The following NR2C1 variants were observed in gnomAD, a reference collection of about 807,000 sequenced individuals.
NR2C1 encodes TR2 nuclear hormone receptor.
In NR2C1, 33 loss-of-function variants were observed where a neutral mutation model predicts 74.8. The ratio of observed to expected loss-of-function variants is 0.44; its 90% CI spans 0.33 to 0.59. The LOEUF is 0.59. Ranked by LOEUF, NR2C1 falls within the 20% of genes least tolerant of loss-of-function variation. The pLI is 0.02. For missense variants in NR2C1, 568 were observed against 715.6 expected (o/e 0.79, Z 2.35); for synonymous variants, 225 against 240.6 (o/e 0.94, Z 0.60).
At chr12:95,031,668 G>A (rs750130431) in intron 10 of NR2C1, among the ~76,000 whole-genome samples, 180 bp from the exon 11 acceptor site, 1 of 152,124 alleles carries the variant, frequency 6.6e-6, no homozygotes, top group East Asian at 1.9e-4. Flanking sequence ...GAATGCTTAG[G>A]CATTTAAATA....
intron 9 of NR2C1, among the ~76,000 whole-genome samples, chr12:95,042,864 A>G (rs1871748279): frequency 6.8e-6 from 1 of 146,164 alleles, no homozygotes; most frequent in Admixed American, 7.0e-5. Flanking sequence ...TGGGAGGCCA[A>G]GGTGAGAGGA....
intron 9 of NR2C1, among the ~76,000 whole-genome samples, chr12:95,043,060 T>C (rs987021239): frequency 6.6e-6 from 1 of 151,966 alleles, no homozygotes. Context: ...CCTAGGAATT[T>C]TGAGACCAAC....
intron 1 of NR2C1, among the ~76,000 whole-genome samples, chr12:95,070,660 G>A (rs114035163): frequency 6.6e-6 from 1 of 152,170 alleles, no homozygotes; most frequent in East Asian, 1.9e-4. Context: ...CATCAGTGCT[G>A]CTTTAATGGC....
At chr12:95,070,957 T>C (rs1876509293) in intron 1 of NR2C1, among the ~76,000 whole-genome samples, 3 of 152,226 alleles carry the variant, frequency 2.0e-5, no homozygotes, top group Admixed American at 2.0e-4. Flanking sequence ...CCCAGCACTT[T>C]GGGAGGCCAA....
intron 8 of NR2C1, 187 bp from the exon 9 acceptor site, chr12:95,049,420 A>G (rs1872695677): frequency 2.3e-6 from 1 of 436,316 alleles, no homozygotes; most frequent in South Asian, 7.2e-5. Context: ...TGCCTGGCCT[A>G]AAGTCTCTTT....
chr12:95,067,580 T>TA (rs1193026003), intron 1 of NR2C1, among the ~76,000 whole-genome samples, 189 bp from the exon 2 acceptor site: 3 of 151,832 alleles, frequency 2.0e-5, no homozygotes, highest in Non-Finnish European at 2.9e-5. Flanking sequence ...TTTTTATTTT[T>TA]TTTTTTTTTA....
chr12:95,058,070 T>C (rs2136178484), intron 5 of NR2C1, 192 bp from the exon 6 acceptor site: 1 of 663,184 alleles, frequency 1.5e-6, no homozygotes, highest in Non-Finnish European at 2.5e-6. Context: ...ACAAACCAAT[T>C]TGCATCTCTC....
At chr12:95,025,410 G>A (rs1422603582) in intron 12 of NR2C1, 155 bp from the exon 13 acceptor site, 1 of 484,124 alleles carries the variant, frequency 2.1e-6, no homozygotes, top group Non-Finnish European at 3.6e-6. Context: ...TGTAATCCTA[G>A]CACTTTGGGA....
chr12:95,056,984 C>A (rs1212098539), intron 7 of NR2C1, among the ~76,000 whole-genome samples: 14 of 149,822 alleles, frequency 9.3e-5, no homozygotes, highest in Middle Eastern at 3.5e-3. Context: ...AAGACTTTTA[C>A]ACCTATAATA....
chr12:95,053,681 G>GTTTTTTTTTTTTTTTTTTTTTT (rs550069594), intron 7 of NR2C1, among the ~76,000 whole-genome samples: 2 of 103,414 alleles, frequency 1.9e-5, no homozygotes, highest in South Asian at 3.4e-4. Context: ...TCTTTTTGGT[G>GTTTTTTTTTTTTTTTTTTTTTT]TTTTTTTTTT....
rs190503499 is a variant in NR2C1, at chr12:95,049,458, A to G, written c.966-225T>C. 4.7e-4 allele frequency: 184 copies of G among 392,952 alleles called. 1 individual carries two copies. The highest frequency in any genetic ancestry group is 3.6e-3 in the African/African-American group (174 of 48,738). 24.3% of individuals were successfully genotyped at this position (392,952 alleles called of 1,614,324 possible). On this transcript the variant is annotated intron_variant, in intron 8 of 13. Transcript: ENST00000333003. ...AAAATCTTGCATAATTAAGGGGGAG[A>G]AGCATCTTCATATTTTCATATAATA... is the stretch of plus-strand genomic sequence containing the variant.
Position 95,051,955 on chromosome 12 carries a change from A to G in NR2C1, c.784-12T>C, listed in dbSNP as rs1873070850. The G allele has an allele frequency of 6.5e-7, 1 of 1,544,320 alleles. No individual in the cohort carries two copies. The highest frequency in any genetic ancestry group is 8.7e-7 in the Non-Finnish European group (1 of 1,149,646). ...TGACATGATTCAGCCTTTAAAAAAA[A>G]GGGTATTAAAATTCTGTGAATTGGT... On this transcript the variant is annotated splice_polypyrimidine_tract_variant and intron_variant, in intron 7 of 13. Coordinates refer to ENST00000333003, the MANE Select transcript of NR2C1 (RefSeq NM_003297.4).
chr12:95,059,847 C>T (rs531563787), intron 4 of NR2C1, 59 bp downstream of exon 4: 93 of 1,212,482 alleles, frequency 7.7e-5, no homozygotes, highest in Non-Finnish European at 9.3e-5. Context: ...TTCAACAACA[C>T]GACACATATA....
rs1874131977 is a variant in NR2C1 at position 95,057,724 on chromosome 12, A to G, written c.692+7T>C. On this transcript the variant is annotated splice_region_variant and intron_variant, in intron 6 of 13. Transcript: ENST00000333003. ...TGACCAGCTACTCAGTGTCTGTTTT[A>G]CTTTACCTTGTACTTTCACTATCTG... 1 of 1,613,676 alleles carries G rather than the reference A, an allele frequency of 6.2e-7. No individual in the cohort carries two copies. The highest frequency in any genetic ancestry group is 1.1e-5 in the South Asian group (1 of 91,028).
intron 9 of NR2C1, among the ~76,000 whole-genome samples, chr12:95,047,694 TATGC>T (rs1872482807): frequency 6.6e-6 from 1 of 152,220 alleles, no homozygotes; most frequent in Non-Finnish European, 1.5e-5. Flanking sequence ...GTGAAATCTA[TATGC>T]ATTCAATCCC....
At chr12:95,066,199 A>G (rs1189119354) in intron 2 of NR2C1, among the ~76,000 whole-genome samples, 1 of 152,176 alleles carries the variant, frequency 6.6e-6, no homozygotes, top group East Asian at 1.9e-4. Context: ...CTGTTAGACT[A>G]TGTTGTTTTG....
At chr12:95,062,796 A>G in intron 2 of NR2C1, 58 bp from the exon 3 acceptor site, 1 of 1,315,450 alleles carries the variant, frequency 7.6e-7, no homozygotes. Context: ...TAATGACACA[A>G]TTATCTTCTT....
chr12:95,034,049 A>G (rs1445328305), intron 10 of NR2C1, among the ~76,000 whole-genome samples: 1 of 152,232 alleles, frequency 6.6e-6, no homozygotes. Context: ...CTTCTTAATA[A>G]AGCTTTAAAA....
At chr12:95,072,277 A>T (rs1328376762) in intron 1 of NR2C1, among the ~76,000 whole-genome samples, 1 of 142,020 alleles carries the variant, frequency 7.0e-6, no homozygotes, top group Non-Finnish European at 1.6e-5. Flanking sequence ...AAATACAAAA[A>T]ACAAAAACAA....
Sources: gnomAD v4.1 joint callset for allele counts (sites outside exome capture counted in the v4.1 genomes callset) on GRCh38, gnomAD v4.1.1 for gene constraint, MANE v1.5 for transcripts, NCBI Gene and HGNC (gene_info 2026-07-23, HGNC 2026-07-21) for gene names.